The following KLHL3 variants were observed in gnomAD, a reference collection of about 807,000 sequenced individuals.
KLHL3 encodes the protein kelch like family member 3, also known as kelch-like protein 3.
A neutral mutation model predicts 70.5 loss-of-function variants in KLHL3; 19 were observed. The ratio of observed to expected loss-of-function variants is 0.27; its 90% CI spans 0.19 to 0.40. The LOEUF (loss-of-function observed/expected upper bound fraction) is 0.40, where lower values mean the gene tolerates loss of function less well. Ranked by LOEUF, KLHL3 falls within the 10% of genes least tolerant of loss-of-function variation. The probability of loss-of-function intolerance (pLI) is 1.00; values close to 1 mark genes in which losing one functional copy is unlikely to be tolerated. For missense variants in KLHL3, 512 were observed against 771.1 expected, an observed-to-expected ratio of 0.66 and a Z score of 3.98; for synonymous variants, 258 against 290.3, an observed-to-expected ratio of 0.89 and a Z score of 1.13.
Position 137,735,959 on chromosome 5 carries a change from C to CG in KLHL3, c.-314dup, listed in dbSNP as rs1347862758. On this transcript the variant is annotated 5_prime_UTR_variant, in exon 1 of 15. It introduces an in-frame stop codon into an upstream open reading frame of the 5' UTR. Coordinates refer to ENST00000309755, the MANE Select transcript of KLHL3 (RefSeq NM_017415.3). ...TTGCTGCTCCTTGGTCTCCTAGGAA[C>CG]GGCGGCAGCTCCAGCGACCCAGGTG... 1 of 465,316 alleles carries CG rather than the reference C, an allele frequency of 2.1e-6. No homozygotes were observed. The highest frequency in any genetic ancestry group is 4.0e-6 in the Non-Finnish European group (1 of 251,036). The allele number at this position is 465,316 out of a possible 1,614,324, so 28.8% of individuals were successfully genotyped here.
chr5:137,651,563 T>TAA (rs1251548409), intron 8 of KLHL3, among the ~76,000 whole-genome samples: 1 of 152,184 alleles, frequency 6.6e-6, no homozygotes, highest in Non-Finnish European at 1.5e-5. Context: ...TGAGAGAAAT[T>TAA]AAAGAAGACC....
At chr5:137,674,210 A>G (rs535353200) in intron 6 of KLHL3, among the ~76,000 whole-genome samples, 18 of 152,176 alleles carry the variant, frequency 1.2e-4, no homozygotes, top group Non-Finnish European at 2.4e-4. Flanking sequence ...AAACTGAGCC[A>G]TAGGGAGGTT....
chr5:137,647,800 C>T (rs1007184664), intron 8 of KLHL3, among the ~76,000 whole-genome samples: 2 of 151,926 alleles, frequency 1.3e-5, no homozygotes, highest in Non-Finnish European at 2.9e-5. Flanking sequence ...GGGCAAGGCC[C>T]GGGGGGAGAG....
chr5:137,704,387 G>A (rs577431586), intron 3 of KLHL3, among the ~76,000 whole-genome samples: 154 of 150,342 alleles, frequency 1.0e-3, no homozygotes, highest in Non-Finnish European at 1.4e-3. Context: ...GCAAGACTCC[G>A]TCTCAAAAAA....
Position 137,634,160 on chromosome 5 carries a change from G to A in KLHL3, c.1327C>T (p.Leu443=), listed in dbSNP as rs139150347. Reference sequence around the variant, plus strand: ...CCATCATAACCCCCAACAGCATATAGCTTCCCTGCAATAGACAAAGTGGCT... The same window carrying A: ...CCATCATAACCCCCAACAGCATATAACTTCCCTGCAATAGACAAAGTGGCT... ...SVGVGVVEGK[L]YAVGGYDGAS... The change falls in exon 12 of 15, where the codon CTA becomes TTA. Residue 443 remains leucine, a synonymous_variant. Transcript: ENST00000309755. 7.9e-5 allele frequency: 127 copies of A among 1,608,310 alleles called. No individual in the cohort carries two copies. In the African/African-American group the frequency reaches 1.6e-3, roughly 20 times the overall value.
At chr5:137,627,547 T>C (rs1350631756) in intron 13 of KLHL3, among the ~76,000 whole-genome samples, 1 of 132,904 alleles carries the variant, frequency 7.5e-6, no homozygotes, top group Non-Finnish European at 1.5e-5. Context: ...ATGAGAATAA[T>C]GAAAATGGAT....
intron 11 of KLHL3, 148 bp from the exon 12 acceptor site, chr5:137,634,313 A>C: frequency 1.2e-6 from 1 of 809,552 alleles, no homozygotes; most frequent in Non-Finnish European, 1.9e-6. Flanking sequence ...CTTACTCCTC[A>C]ACCAAGCAAA....
intron 3 of KLHL3, 77 bp downstream of exon 3, chr5:137,709,673 C>A (rs961957812): frequency 8.7e-7 from 1 of 1,154,754 alleles, no homozygotes; most frequent in African/African-American, 1.5e-5. Flanking sequence ...TCCCTCCCCT[C>A]ATGTCACCAC....
Position 137,720,563 on chromosome 5 carries a change from A to G in KLHL3, c.36T>C (p.Thr12=). Residue 12 remains threonine, a synonymous_variant, in exon 2 of 15, where the codon ACT becomes ACC. Transcript: ENST00000309755. ...EGESVKLSSQ[T]LIQAGDDEKN... Reference sequence around the variant, plus strand: ...TCTCATCATCCCCAGCCTGTATCAGAGTCTGGGAGCTCAGCTTGACACTGT... The same window carrying G: ...TCTCATCATCCCCAGCCTGTATCAGGGTCTGGGAGCTCAGCTTGACACTGT... The G allele has an allele frequency of 6.2e-7, 1 of 1,614,126 alleles. No homozygotes were observed. The highest frequency in any genetic ancestry group is 8.5e-7 in the Non-Finnish European group (1 of 1,180,010).
Position 137,661,954 on chromosome 5 carries a change from A to G in KLHL3, c.714T>C (p.His238=), listed in dbSNP as rs747402002. The G allele has an allele frequency of 8.7e-6, 14 of 1,612,764 alleles. No individual in the cohort carries two copies. Among genetic ancestry groups the G allele is most frequent in the Admixed American group, 6.7e-5 (4 of 59,996 alleles). ...RLEHMAKLME[H]VRLPLLPRDY... is the part of the protein sequence containing the mutation. Reference sequence around the variant, plus strand: ...CCCTAGGTAAGAGAGGAAGTCGGACATGTTCCATCAGCTTTGCCATGTGCT... The same window carrying G: ...CCCTAGGTAAGAGAGGAAGTCGGACGTGTTCCATCAGCTTTGCCATGTGCT... Residue 238 remains histidine (H), a synonymous_variant, in exon 7 of 15, where the codon CAT becomes CAC. Coordinates refer to ENST00000309755, the MANE Select transcript of KLHL3 (RefSeq NM_017415.3).
At chr5:137,725,076 T>A (rs1753065434) in intron 1 of KLHL3, 1 of 984,782 alleles carries the variant, frequency 1.0e-6, no homozygotes, top group African/African-American at 1.7e-5. Context: ...AGATCTTAAC[T>A]ACTTAAACCT....
chr5:137,692,500 T>A, intron 4 of KLHL3, 53 bp from the exon 5 acceptor site: 1 of 1,564,960 alleles, frequency 6.4e-7, no homozygotes, highest in Non-Finnish European at 8.8e-7. Context: ...CAGAGACTCA[T>A]CTGCCTTTTC....
chr5:137,644,739 AAGC>A (rs1386879464), intron 8 of KLHL3, among the ~76,000 whole-genome samples: 2 of 152,222 alleles, frequency 1.3e-5, no homozygotes, highest in African/African-American at 4.8e-5. Flanking sequence ...CAAACATTTA[AAGC>A]AGAACTAATA....
At position 137,692,314 on chromosome 5, in the gene KLHL3, T is replaced by C; in HGVS notation, c.497A>G (p.Asp166Gly). The stretch of plus-strand genomic sequence containing the variant: ...GTAGGCATTGGCCTGCTGCAGAAGG[T>C]CAGTGCAGGTGTGTACATCTGCAAA... ...RAFADVHTCT[D>G]LLQQANAYAE... The change falls in exon 5 of 15, where the codon GAC (aspartate) becomes GGC (glycine). Residue 166 changes from aspartate (D) to glycine (G), a missense_variant. Physicochemically the swap from Asp to Gly is moderately conservative, Grantham distance 94. Transcript: ENST00000309755. 2 of 1,613,058 alleles carry C rather than the reference T, an allele frequency of 1.2e-6. No individual in the cohort carries two copies. The highest frequency in any genetic ancestry group is 1.3e-5 in the African/African-American group (1 of 75,002).
chr5:137,700,434 G>A (rs1752542834), intron 3 of KLHL3, among the ~76,000 whole-genome samples: 1 of 152,244 alleles, frequency 6.6e-6, no homozygotes, highest in Admixed American at 6.5e-5. Context: ...ATCAGAGCCT[G>A]GGCTGACTGT....
intron 5 of KLHL3, among the ~76,000 whole-genome samples, chr5:137,678,375 C>T (rs963041202): frequency 1.8e-4 from 28 of 152,194 alleles, no homozygotes; most frequent in Non-Finnish European, 3.4e-4. Context: ...GGGACAATTC[C>T]TACCCTGACA....
At position 137,634,146 on chromosome 5, in the gene KLHL3, C is replaced by T. The variant is rs1286590692; in HGVS notation, c.1341G>A (p.Gly447=). The change falls in exon 12 of 15, where the codon GGG becomes GGA. Residue 447 remains glycine (G), a synonymous_variant. Transcript: ENST00000309755. ...GVVEGKLYAV[G]GYDGASRQCL... is the part of the protein sequence containing the mutation. ...ACTGGCGGGAAGCTCCATCATAACCCCCAACAGCATATAGCTTCCCTGCAA... is the reference window on the plus strand; with the variant it reads ...ACTGGCGGGAAGCTCCATCATAACCTCCAACAGCATATAGCTTCCCTGCAA... 1.2e-6 allele frequency: 2 copies of T among 1,612,824 alleles called. No individual in the cohort carries two copies. Among genetic ancestry groups the T allele is most frequent in the Non-Finnish European group, 1.7e-6 (2 of 1,179,516 alleles).
Position 137,694,213 on chromosome 5 carries a change from A to G in KLHL3, c.364-1766T>C, listed in dbSNP as rs905157259. On this transcript the variant is annotated intron_variant, in intron 4 of 14. Transcript: ENST00000309755. The stretch of plus-strand genomic sequence containing the variant: ...ACCCACAGGCTTACACTTCTCTCTC[A>G]CGACAGCTGAGTTCTAGAAAACGTG... 3.9e-5 allele frequency among the ~76,000 whole-genome samples: 6 copies of G among 152,020 alleles called. No homozygotes were observed. The South Asian group carries it at 1.2e-3, about 32-fold the overall frequency.
At position 137,720,521 on chromosome 5, in the gene KLHL3, G is replaced by A. The variant is rs1463594272; in HGVS notation, c.78C>T (p.Ile26=). The change falls in exon 2 of 15, where the codon ATC becomes ATT. Residue 26 remains isoleucine, a synonymous_variant. Transcript: ENST00000309755. The stretch of plus-strand genomic sequence containing the variant: ...TCCCCATGTGGGCAGGGTTGACAGT[G>A]ATCGTCCTCTGGTTCTTCTCATCAT... ...AGDDEKNQRT[I]TVNPAHMGKA... 6.2e-7 allele frequency: 1 copy of A among 1,614,030 alleles called. No homozygotes were observed. The highest frequency in any genetic ancestry group is 1.7e-5 in the Admixed American group (1 of 59,994).
Sources: gnomAD v4.1 joint callset for allele counts (sites outside exome capture counted in the v4.1 genomes callset) on GRCh38, gnomAD v4.1.1 for gene constraint, MANE v1.5 for transcripts, NCBI Gene and HGNC (gene_info 2026-07-23, HGNC 2026-07-21) for gene names.